The following ZNF462 variants were observed in gnomAD, a reference collection of about 807,000 sequenced individuals.
ZNF462 encodes zinc finger PBX1-interacting protein.
In ZNF462, 10 loss-of-function variants were observed where a neutral mutation model predicts 201.9. That is an observed-to-expected ratio of 0.05 (90% CI 0.03 to 0.08). The LOEUF (loss-of-function observed/expected upper bound fraction) is 0.08, where lower values mean the gene tolerates loss of function less well. ZNF462 is among the 10% of genes least tolerant of loss of function. ZNF462 has a pLI of 1.00. For synonymous variants in ZNF462, 1,227 were observed against 1,193.3 expected, an observed-to-expected ratio of 1.03 and a Z score of -0.58; for missense variants, 2,523 against 3,168.3, an observed-to-expected ratio of 0.80 and a Z score of 4.89.
In ZNF462 at chr9:106,890,444, C is replaced by T. The variant is rs745416447; in HGVS notation, c.-31+27089C>T. Reference sequence around the variant, plus strand: ...CCTTTTTGGGCATACAAAAATCTAGCACTTGAAGCCACTTAATCAAATATC... The same window carrying T: ...CCTTTTTGGGCATACAAAAATCTAGTACTTGAAGCCACTTAATCAAATATC... On this transcript the variant is annotated intron_variant, in intron 1 of 12. Transcript: ENST00000277225. The surrounding 1 kb of genome is among the most constrained non-coding windows in gnomAD (Gnocchi z 4.2). 1.3e-5 allele frequency among the ~76,000 whole-genome samples: 2 copies of T among 152,178 alleles called. No individual in the cohort carries two copies. Among genetic ancestry groups the T allele is most frequent in the Non-Finnish European group, 2.9e-5 (2 of 68,038 alleles).
At chr9:106,961,877 T>G (rs1407858464) in intron 7 of ZNF462, among the ~76,000 whole-genome samples, 1 of 151,906 alleles carries the variant, frequency 6.6e-6, no homozygotes, top group Non-Finnish European at 1.5e-5. Flanking sequence ...TTTGTCAGAC[T>G]GAAAAGTATA....
rs1327804294 is a variant in ZNF462, at chr9:106,963,671, A to G, written c.6428-8334A>G. Among the ~76,000 whole-genome samples the G allele has an allele frequency of 1.3e-5, 2 of 152,098 alleles. No individual in the cohort carries two copies. The highest frequency in any genetic ancestry group is 4.8e-5 in the African/African-American group (2 of 41,428). On this transcript the variant is annotated intron_variant, in intron 7 of 12. Coordinates refer to ENST00000277225, the MANE Select transcript of ZNF462 (RefSeq NM_021224.6). The surrounding 1 kb of genome is among the most constrained non-coding windows in gnomAD (Gnocchi z 4.7). ...CAGATGATCTTGTCTAAAGGCACCT[A>G]AAAAAATTACTGCAGTAAAAACCAT... is the stretch of plus-strand genomic sequence containing the variant.
intron 7 of ZNF462, among the ~76,000 whole-genome samples, chr9:106,941,593 T>A (rs905944394): frequency 1.3e-5 from 2 of 152,226 alleles, no homozygotes; most frequent in Non-Finnish European, 2.9e-5. Flanking sequence ...TACACAAAAG[T>A]CATTGGGCCT....
chr9:106,987,013 A>ATAGG (rs1827895361), intron 10 of ZNF462, among the ~76,000 whole-genome samples: 1 of 152,014 alleles, frequency 6.6e-6, no homozygotes, highest in African/African-American at 2.4e-5. Flanking sequence ...AGATAGATAG[A>ATAGG]TAGATAGATA....
chr9:106,977,541 A>G lies in ZNF462; in HGVS notation c.6832+3268A>G, dbSNP rs143903976. ...TCAGGGATTTATGTTGGCCACAGCA[A>G]AAGAGAGTATGATGTTTACTCATGT... On this transcript the variant is annotated intron_variant, in intron 9 of 12. Transcript: ENST00000277225. This position sits in a 1 kb window ranked among gnomAD's most constrained non-coding sequence, Gnocchi z 4.6. Among the ~76,000 whole-genome samples, 401 of 151,764 alleles carry G rather than the reference A, an allele frequency of 2.6e-3. 26 individuals carry two copies. The highest frequency in any genetic ancestry group is 9.2e-3 in the African/African-American group (378 of 41,018).
At chr9:106,986,771 A>AC (rs756431938) in intron 10 of ZNF462, among the ~76,000 whole-genome samples, 10 of 151,326 alleles carry the variant, frequency 6.6e-5, no homozygotes, top group Admixed American at 1.3e-4. Flanking sequence ...GCCCCCCTCC[A>AC]CCCTTCCTCC....
At chr9:106,951,294 G>A (rs1189712854) in intron 7 of ZNF462, among the ~76,000 whole-genome samples, 1 of 152,042 alleles carries the variant, frequency 6.6e-6, no homozygotes, top group Admixed American at 6.6e-5. Flanking sequence ...CTAAATCACG[G>A]CATGCCTAGG....
At chr9:107,000,157 A>G (rs969451004) in intron 10 of ZNF462, among the ~76,000 whole-genome samples, 3 of 152,052 alleles carry the variant, frequency 2.0e-5, no homozygotes, top group Admixed American at 1.3e-4. Context: ...TGGTGGAGGC[A>G]TAGACTCCTC....
rs116825688 is a variant in ZNF462 at position 106,969,770 on chromosome 9, G to A, written c.6428-2235G>A. ...TTTGGTCTCTGGGTGGATTGTGGATGGTAGACAGATCACAGGCCAGCAGGA... is the reference window on the plus strand; with the variant it reads ...TTTGGTCTCTGGGTGGATTGTGGATAGTAGACAGATCACAGGCCAGCAGGA... On this transcript the variant is annotated intron_variant, in intron 7 of 12. Coordinates refer to ENST00000277225, the MANE Select transcript of ZNF462 (RefSeq NM_021224.6). Among the ~76,000 whole-genome samples the A allele has an allele frequency of 1.0e-3, 154 of 152,234 alleles. 1 individual carries two copies. Among genetic ancestry groups the A allele is most frequent in the African/African-American group, 3.5e-3 (146 of 41,544 alleles).
intron 1 of ZNF462, among the ~76,000 whole-genome samples, chr9:106,892,147 A>G (rs796240752): frequency 5.9e-5 from 9 of 152,332 alleles, no homozygotes; most frequent in African/African-American, 2.2e-4. Flanking sequence ...GGTAGAACTA[A>G]TGGACCATTT....
rs745791536 is a variant in ZNF462 at position 106,978,144 on chromosome 9, G to T, written c.6832+3871G>T. Among the ~76,000 whole-genome samples the T allele has an allele frequency of 2.6e-5, 4 of 151,350 alleles. No homozygotes were observed. Among genetic ancestry groups the T allele is most frequent in the Non-Finnish European group, 5.9e-5 (4 of 68,018 alleles). On this transcript the variant is annotated intron_variant, in intron 9 of 12. Coordinates refer to ENST00000277225, the MANE Select transcript of ZNF462 (RefSeq NM_021224.6). This position sits in a 1 kb window ranked among gnomAD's most constrained non-coding sequence, Gnocchi z 4.1. ...TTAGGGCACACCCTAATCTAGTCTGGCCTTAACTGATTGCCATCTGCAAAG... is the reference window on the plus strand; with the variant it reads ...TTAGGGCACACCCTAATCTAGTCTGTCCTTAACTGATTGCCATCTGCAAAG...
At chr9:106,906,170 T>TG (rs1051394845) in intron 1 of ZNF462, among the ~76,000 whole-genome samples, 6 of 152,210 alleles carry the variant, frequency 3.9e-5, no homozygotes, top group Middle Eastern at 3.4e-3. Context: ...GCTTCTCCAG[T>TG]GGGGGGTGTG....
chr9:106,969,907 TGCTCAACTTACA>T (rs777526868), intron 7 of ZNF462, among the ~76,000 whole-genome samples: 2 of 152,194 alleles, frequency 1.3e-5, no homozygotes, highest in Admixed American at 6.5e-5. Context: ...TGGCTGGCAG[TGCTCAACTTACA>T]GCTCAAGCCT....
At position 107,006,700 on chromosome 9, in the gene ZNF462, G is replaced by T. The variant is rs969838376; in HGVS notation, c.7190-2845G>T. Reference sequence around the variant, plus strand: ...CTCCTACCATGATGCCAGGGCTAAAGACTATGGGTTTGCGAAGGGGGCCCC... The same window carrying T: ...CTCCTACCATGATGCCAGGGCTAAATACTATGGGTTTGCGAAGGGGGCCCC... On this transcript the variant is annotated intron_variant, in intron 11 of 12. Coordinates refer to ENST00000277225, the MANE Select transcript of ZNF462 (RefSeq NM_021224.6). The surrounding 1 kb of genome is among the most constrained non-coding windows in gnomAD (Gnocchi z 4.3). Among the ~76,000 whole-genome samples the T allele has an allele frequency of 9.2e-5, 14 of 152,092 alleles. No individual in the cohort carries two copies. Among genetic ancestry groups the T allele is most frequent in the African/African-American group, 2.9e-4 (12 of 41,404 alleles).
intron 1 of ZNF462, among the ~76,000 whole-genome samples, chr9:106,898,068 T>A (rs1433496724): frequency 6.6e-6 from 1 of 152,252 alleles, no homozygotes; most frequent in Admixed American, 6.5e-5. Context: ...AAGGGATGCA[T>A]GTTATCATCA....
Position 106,938,285 on chromosome 9 carries a change from C to T in ZNF462, c.6236-631C>T, listed in dbSNP as rs150617522. 2.0e-5 allele frequency among the ~76,000 whole-genome samples: 3 copies of T among 152,260 alleles called. No homozygotes were observed. The highest frequency in any genetic ancestry group is 4.4e-5 in the Non-Finnish European group (3 of 68,010). On this transcript the variant is annotated intron_variant, in intron 6 of 12. Coordinates refer to ENST00000277225, the MANE Select transcript of ZNF462 (RefSeq NM_021224.6). The surrounding 1 kb of genome is among the most constrained non-coding windows in gnomAD (Gnocchi z 4.4). ...CATGTTTACATATACAGCTCTCTTC[C>T]TTAGAGAAATGACTTATTTTTACCC...
In ZNF462 at chr9:106,962,309, A is replaced by C. The variant is rs1274833416; in HGVS notation, c.6428-9696A>C. Among the ~76,000 whole-genome samples the C allele has an allele frequency of 6.6e-6, 1 of 152,056 alleles. No individual in the cohort carries two copies. Among genetic ancestry groups the C allele is most frequent in the African/African-American group, 2.4e-5 (1 of 41,426 alleles). ...TGACTCATTGAATGTGTGGAATGAAAGAGAGAAATGAATCAAGGATTTATT... is the reference window on the plus strand; with the variant it reads ...TGACTCATTGAATGTGTGGAATGAACGAGAGAAATGAATCAAGGATTTATT... On this transcript the variant is annotated intron_variant, in intron 7 of 12. Transcript: ENST00000277225. The surrounding 1 kb of genome is among the most constrained non-coding windows in gnomAD (Gnocchi z 4.6).
At chr9:106,914,551 G>T (rs572027500) in intron 1 of ZNF462, among the ~76,000 whole-genome samples, 6 of 152,320 alleles carry the variant, frequency 3.9e-5, no homozygotes, top group Non-Finnish European at 5.9e-5. Context: ...CTGTTGGTTG[G>T]TTGGAATCCT....
At position 106,928,445 on chromosome 9, in the gene ZNF462, A is replaced by G. The variant is rs376775803; in HGVS notation, c.4533A>G (p.Pro1511=). The change falls in exon 3 of 13, where the codon CCA becomes CCG. Residue 1511 remains proline, a synonymous_variant. Coordinates refer to ENST00000277225, the MANE Select transcript of ZNF462 (RefSeq NM_021224.6). The surrounding 1 kb of genome is among the most constrained non-coding windows in gnomAD (Gnocchi z 9.3). The part of the protein sequence containing the change: ...ADFAQDIDIN[P]GAVYKCRHCP... ...TTGCCCAGGACATTGACATCAACCC[A>G]GGTGCCGTCTACAAATGCAGGCATT... The G allele has an allele frequency of 2.5e-5, 41 of 1,614,050 alleles. No homozygotes were observed. Among genetic ancestry groups the G allele is most frequent in the Admixed American group, 3.3e-5 (2 of 60,006 alleles).
Sources: allele counts gnomAD v4.1 joint callset (sites outside exome capture counted in the v4.1 genomes callset), GRCh38; gene constraint gnomAD v4.1.1; non-coding constraint Gnocchi (gnomAD v3.1); transcripts MANE v1.5; gene names NCBI Gene and HGNC (gene_info 2026-07-23, HGNC 2026-07-21).